The following TRIM23 variants were observed in gnomAD, a reference collection of about 807,000 sequenced individuals.
TRIM23 encodes the protein E3 ubiquitin-protein ligase TRIM23.
A neutral mutation model predicts 71.0 loss-of-function variants in TRIM23; 27 were observed. That is an observed-to-expected ratio of 0.38 (90% CI 0.28 to 0.52). The LOEUF (loss-of-function observed/expected upper bound fraction) is 0.52, where lower values mean the gene tolerates loss of function less well. Ranked by LOEUF, TRIM23 falls within the 20% of genes least tolerant of loss-of-function variation. The probability of loss-of-function intolerance (pLI) is 0.84; values close to 1 mark genes in which losing one functional copy is unlikely to be tolerated. For missense variants in TRIM23, 482 were observed against 692.3 expected, an observed-to-expected ratio of 0.70 and a Z score of 3.41; for synonymous variants, 234 against 238.0, an observed-to-expected ratio of 0.98 and a Z score of 0.16.
intron 2 of TRIM23, among the ~76,000 whole-genome samples, chr5:65,615,847 A>C (rs186575181): frequency 6.6e-6 from 1 of 152,344 alleles, no homozygotes; most frequent in East Asian, 1.9e-4. Context: ...TCAATGGCTT[A>C]ACACAACAAA....
intron 2 of TRIM23, among the ~76,000 whole-genome samples, chr5:65,615,787 G>A (rs1754763287): frequency 6.6e-6 from 1 of 152,186 alleles, no homozygotes. Context: ...TTACTAGGTA[G>A]TGCCTAATAT....
rs1755058771 is a variant in TRIM23 at position 65,624,329 on chromosome 5, G to A, written c.-55C>T. On this transcript the variant is annotated 5_prime_UTR_variant, in exon 1 of 11. Transcript: ENST00000231524. ...CTTCAGAGTCCTCAACTGAGAGGCG[G>A]GGTTGAGCCACCTACCCAGAGGCCT... 12 of 1,592,674 alleles carry A rather than the reference G, an allele frequency of 7.5e-6. No homozygotes were observed. Among genetic ancestry groups the A allele is most frequent in the Admixed American group, 5.2e-5 (3 of 58,220 alleles).
Position 65,609,422 on chromosome 5 carries a change from GA to G in TRIM23, c.864del (p.Arg289GlufsTer19). 1 of 1,613,978 alleles carries G rather than the reference GA, an allele frequency of 6.2e-7. No homozygotes were observed. ...TCATGTAGATCATAAAAATAAGCTC[GA>G]ATACATGACCGGGCATTCTCTGCAG... ...PGTAENARSCIRAYFYDLHET... is the reference protein window; with the variant it reads ...PGTAENARSCXRAYFYDLHET... On this transcript the variant is annotated frameshift_variant, in exon 6 of 11. Transcript: ENST00000231524. LOFTEE classifies it high-confidence loss of function.
chr5:65,619,598 A>C (rs1278832630), intron 1 of TRIM23, among the ~76,000 whole-genome samples: 2 of 152,206 alleles, frequency 1.3e-5, no homozygotes, highest in Admixed American at 1.3e-4. Context: ...ATCTTTCACC[A>C]TACAGTGATA....
intron 1 of TRIM23, among the ~76,000 whole-genome samples, chr5:65,620,912 C>CA (rs11411763): frequency 0.62 from 92,857 of 149,436 alleles, 28,962 homozygotes; most frequent in South Asian, 0.65. Flanking sequence ...CCTGTCTCTA[C>CA]AAAAAAAAAT....
intron 3 of TRIM23, among the ~76,000 whole-genome samples, chr5:65,613,020 T>A (rs1754691801): frequency 6.6e-6 from 1 of 152,016 alleles, no homozygotes; most frequent in African/African-American, 2.4e-5. Context: ...AGGGGAGAAA[T>A]TTAGTATAAA....
intron 2 of TRIM23, among the ~76,000 whole-genome samples, chr5:65,615,619 C>T (rs2150640104): frequency 6.6e-6 from 1 of 152,144 alleles, no homozygotes; most frequent in Admixed American, 6.5e-5. Flanking sequence ...AGGCTTTCTC[C>T]TTAATTTTTA....
rs200574833 is a variant in TRIM23 at position 65,624,292 on chromosome 5, C to G, written c.-18G>C. On this transcript the variant is annotated 5_prime_UTR_variant, in exon 1 of 11. Transcript: ENST00000231524. Reference sequence around the variant, plus strand: ...GTAGCCATCCTCGCAGGGGAAGCGCCACAGAAACAGCCTTCAGAGTCCTCA... The same window carrying G: ...GTAGCCATCCTCGCAGGGGAAGCGCGACAGAAACAGCCTTCAGAGTCCTCA... The G allele has an allele frequency of 6.2e-7, 1 of 1,613,334 alleles. No individual in the cohort carries two copies. The highest frequency in any genetic ancestry group is 8.5e-7 in the Non-Finnish European group (1 of 1,179,930).
rs1289459429 is a variant in TRIM23 at position 65,605,365 on chromosome 5, T to C, written c.1045-320A>G. On this transcript the variant is annotated intron_variant, in intron 6 of 10. Transcript: ENST00000231524. ...GCATGGAGAATTCATACTGTATGAT[T>C]TCATTTAATTACCAAAACAACCAAA... 2.0e-5 allele frequency among the ~76,000 whole-genome samples: 3 copies of C among 152,162 alleles called. No homozygotes were observed. In the East Asian group the frequency reaches 5.8e-4, roughly 29 times the overall value.
rs1191997705 is a variant in TRIM23 at position 65,610,931 on chromosome 5, C to T, written c.758G>A (p.Gly253Glu). 1.2e-6 allele frequency: 2 copies of T among 1,613,870 alleles called. No individual in the cohort carries two copies. Among genetic ancestry groups the T allele is most frequent in the Non-Finnish European group, 8.5e-7 (1 of 1,179,896 alleles). ...TCCTCCTTCAATGTGCTGCACAATT[C>T]CAACTAATTTTCTGGAATAATCTGA... Reference protein sequence around the residue: ...EISDYSRKLVGIVQHIEGGEQ... With the variant: ...EISDYSRKLVEIVQHIEGGEQ... Residue 253 changes from glycine to glutamate, a missense_variant, in exon 5 of 11, where the codon GGA becomes GAA. Around this residue, in one of 2 missense-constraint regions of TRIM23, gnomAD observed 307 missense variants for 495.8 expected, o/e 0.62. Transcript: ENST00000231524.
intron 1 of TRIM23, among the ~76,000 whole-genome samples, chr5:65,620,508 T>A (rs1265697284): frequency 6.6e-6 from 1 of 152,188 alleles, no homozygotes; most frequent in African/African-American, 2.4e-5. Flanking sequence ...ATACACAGAA[T>A]GATTTCATAT....
chr5:65,600,327 C>A lies in TRIM23; in HGVS notation c.1180-3147G>T, dbSNP rs551253962. ...CTGGCATAAAGATGAGACATACAAACCAACAGAACAGAAGAGAGAGCCCAG... is the reference window on the plus strand; with the variant it reads ...CTGGCATAAAGATGAGACATACAAAACAACAGAACAGAAGAGAGAGCCCAG... On this transcript the variant is annotated intron_variant, in intron 7 of 10. Coordinates refer to ENST00000231524, the MANE Select transcript of TRIM23 (RefSeq NM_001656.4). Among the ~76,000 whole-genome samples the A allele has an allele frequency of 3.9e-5, 6 of 152,114 alleles. No individual in the cohort carries two copies. In the South Asian group the frequency reaches 1.2e-3, roughly 32 times the overall value.
chr5:65,618,931 G>A (rs1301754647), intron 1 of TRIM23, among the ~76,000 whole-genome samples: 1 of 152,088 alleles, frequency 6.6e-6, no homozygotes, highest in African/African-American at 2.4e-5. Flanking sequence ...TCAAAAGAAA[G>A]GCCATTTATC....
intron 7 of TRIM23, among the ~76,000 whole-genome samples, chr5:65,601,597 T>G (rs760878406): frequency 1.3e-5 from 2 of 152,156 alleles, no homozygotes; most frequent in Non-Finnish European, 2.9e-5. Flanking sequence ...TTCTGAGAGA[T>G]ACAATTCAAG....
intron 8 of TRIM23, among the ~76,000 whole-genome samples, chr5:65,596,751 T>C (rs1010964344): frequency 4.6e-5 from 7 of 152,100 alleles, no homozygotes; most frequent in African/African-American, 1.4e-4. Context: ...CCTTAGGACC[T>C]TGGGATCCAT....
At chr5:65,614,671 G>A (rs1754735639) in intron 2 of TRIM23, among the ~76,000 whole-genome samples, 2 of 150,526 alleles carry the variant, frequency 1.3e-5, no homozygotes, top group African/African-American at 2.4e-5. Flanking sequence ...GGAGGTGGAG[G>A]TTGCAGTGAG....
At chr5:65,607,962 A>T (rs1200862323) in intron 6 of TRIM23, among the ~76,000 whole-genome samples, 1 of 152,236 alleles carries the variant, frequency 6.6e-6, no homozygotes, top group Non-Finnish European at 1.5e-5. Flanking sequence ...TCAAGGTCAA[A>T]TCGGAAGACA....
chr5:65,612,659 A>G (rs1250350346), intron 3 of TRIM23, among the ~76,000 whole-genome samples: 3 of 152,078 alleles, frequency 2.0e-5, no homozygotes, highest in Non-Finnish European at 4.4e-5. Context: ...TCTCTACTAA[A>G]CATCCAAAAA....
At chr5:65,617,803 T>C (rs1376138945) in intron 2 of TRIM23, among the ~76,000 whole-genome samples, 1 of 152,226 alleles carries the variant, frequency 6.6e-6, no homozygotes, top group Non-Finnish European at 1.5e-5. Context: ...CACTCTGTGA[T>C]ACACATTCTT....
Sources: allele counts gnomAD v4.1 joint callset (sites outside exome capture counted in the v4.1 genomes callset), GRCh38; gene constraint gnomAD v4.1.1; regional missense constraint gnomAD v4.1.1; transcripts MANE v1.5; gene names NCBI Gene and HGNC (gene_info 2026-07-23, HGNC 2026-07-21).